STRA6: variants seen among roughly 807,000 people sequenced by gnomAD.
The protein encoded by STRA6 is signaling receptor and transporter of retinol STRA6.
In STRA6, 48 loss-of-function variants were observed where a neutral mutation model predicts 83.6. That is an observed-to-expected ratio of 0.57 (90% CI 0.46 to 0.73). The LOEUF (loss-of-function observed/expected upper bound fraction) is 0.73. Ranked by LOEUF, STRA6 falls within the 30% of genes least tolerant of loss-of-function variation. The pLI, the probability that STRA6 is intolerant of heterozygous loss-of-function variation, is 0.00. For synonymous variants in STRA6, 353 were observed against 362.3 expected, an observed-to-expected ratio of 0.97 and a Z score of 0.29; for missense variants, 760 against 838.8, an observed-to-expected ratio of 0.91 and a Z score of 1.16.
At position 74,188,197 on chromosome 15, in the gene STRA6, C is replaced by G. The variant is rs566189918; in HGVS notation, c.1090+918G>C. The stretch of plus-strand genomic sequence containing the variant: ...TGCCCACCCCCCACTCCCTGCCCCG[C>G]CATGACCAGCATGCCCAGGTCTGTA... On this transcript the variant is annotated intron_variant, in intron 12 of 18. Coordinates refer to ENST00000395105, the MANE Select transcript of STRA6 (RefSeq NM_022369.4). This position sits in a 1 kb window ranked among gnomAD's most constrained non-coding sequence, Gnocchi z 4.5. Among the ~76,000 whole-genome samples, 37 of 152,216 alleles carry G rather than the reference C, an allele frequency of 2.4e-4. No individual in the cohort carries two copies. Among genetic ancestry groups the G allele is most frequent in the Non-Finnish European group, 4.1e-4 (28 of 68,034 alleles).
chr15:74,204,862 G>T (rs2074223777), upstream of STRA6, among the ~76,000 whole-genome samples: 1 of 152,118 alleles, frequency 6.6e-6, no homozygotes, highest in African/African-American at 2.4e-5. Flanking sequence ...TTGAACCCAG[G>T]GGGCAGAGGT....
chr15:74,196,228 T>C (rs2073815329), intron 4 of STRA6, 81 bp from the exon 5 acceptor site: 1 of 1,577,878 alleles, frequency 6.3e-7, no homozygotes, highest in Admixed American at 1.8e-5. Flanking sequence ...ATTCCATAAA[T>C]CAAGGAGGTG....
Position 74,193,847 on chromosome 15 carries a change from C to A in STRA6, c.673G>T (p.Val225Leu). 6.2e-7 allele frequency: 1 copy of A among 1,614,006 alleles called. No individual in the cohort carries two copies. Among genetic ancestry groups the A allele is most frequent in the East Asian group, 2.2e-5 (1 of 44,882 alleles). Reference protein sequence around the residue: ...GLGFLSLWYPVQLVRSFSRRT... With the variant: ...GLGFLSLWYPLQLVRSFSRRT... ...CGGCTGAAGCTTCTCACCAGCTGCA[C>A]AGGGTACCAAAGGCTCAGGAATCCG... Residue 225 changes from valine to leucine, a missense_variant, in exon 8 of 19, where the codon GTG becomes TTG. Val to Leu is a conservative substitution (Grantham distance 32). Coordinates refer to ENST00000395105, the MANE Select transcript of STRA6 (RefSeq NM_022369.4).
rs543758018 is a variant in STRA6 at position 74,184,000 on chromosome 15, A to G, written c.1167-11T>C. The G allele has an allele frequency of 3.1e-6, 5 of 1,612,246 alleles. No individual in the cohort carries two copies. The highest frequency in any genetic ancestry group is 4.2e-6 in the Non-Finnish European group (5 of 1,179,970). On this transcript the variant is annotated splice_polypyrimidine_tract_variant and intron_variant, in intron 13 of 18. Coordinates refer to ENST00000395105, the MANE Select transcript of STRA6 (RefSeq NM_022369.4). ...GCTCGAAGGTTGGTCCTGGGGTGGG[A>G]GCCAGGGAGGCAGAGACCTCAGGGA...
chr15:74,194,382 A>C, intron 7 of STRA6: 5 of 1,061,544 alleles, frequency 4.7e-6, no homozygotes, highest in Non-Finnish European at 5.7e-6. Flanking sequence ...ATACTCATTC[A>C]TTTATTTGTT....
At chr15:74,186,030 G>C (rs1178539567) in intron 12 of STRA6, among the ~76,000 whole-genome samples, 1 of 152,184 alleles carries the variant, frequency 6.6e-6, no homozygotes, top group Non-Finnish European at 1.5e-5. Context: ...TAGCCACAGG[G>C]ATTAGAGTGG....
Position 74,191,193 on chromosome 15 carries a change from C to T in STRA6, c.839G>A (p.Arg280Lys), listed in dbSNP as rs992737914. 8.7e-6 allele frequency: 14 copies of T among 1,613,638 alleles called. No homozygotes were observed. The highest frequency in any genetic ancestry group is 1.1e-5 in the Non-Finnish European group (13 of 1,179,920). ...TGGCTGTGGAGTGTAGATGCAGTGT[C>T]TCAAGCAGACGCGGGCCCAGGACAG... ...GFLSWARVCLRHCIYTPQPGF... is the reference protein window; with the variant it reads ...GFLSWARVCLKHCIYTPQPGF... Residue 280 changes from arginine to lysine, a missense_variant, in exon 10 of 19, where the codon AGA becomes AAA. Coordinates refer to ENST00000395105, the MANE Select transcript of STRA6 (RefSeq NM_022369.4).
In STRA6 at chr15:74,183,870, G is replaced by T. The variant is rs1442832645; in HGVS notation, c.1286C>A (p.Ala429Asp). ...GGGAGGCTCACCAAGGCAGATAAAG[G>T]CTGTCTGGTAGGCACTGAAGCTCAT... ...CWMSFSAYQT[A>D]FICLGLLVQQ... is the part of the protein sequence containing the mutation. The change falls in exon 14 of 19, where the codon GCC becomes GAC. Residue 429 changes from alanine to aspartate, a missense_variant. Transcript: ENST00000395105. The T allele has an allele frequency of 3.1e-6, 5 of 1,614,056 alleles. No individual in the cohort carries two copies. Among genetic ancestry groups the T allele is most frequent in the Non-Finnish European group, 4.2e-6 (5 of 1,180,030 alleles).
intron 2 of STRA6, among the ~76,000 whole-genome samples, chr15:74,199,016 C>T (rs1471611439): frequency 2.0e-5 from 3 of 152,118 alleles, no homozygotes; most frequent in African/African-American, 4.8e-5. Context: ...AGTAGAGCTC[C>T]GGGTTTTCCC....
chr15:74,195,492 G>C (rs749917562), intron 6 of STRA6, 24 bp from the exon 7 acceptor site: 4 of 1,611,156 alleles, frequency 2.5e-6, no homozygotes, highest in South Asian at 2.2e-5. Context: ...CAAGCAGAGA[G>C]ACCCATGCTG....
intron 1 of STRA6, chr15:74,207,950 C>G (rs2074299922): frequency 2.1e-6 from 3 of 1,445,980 alleles, no homozygotes; most frequent in Non-Finnish European, 2.7e-6. Context: ...CCTCCTGTCT[C>G]TCTACCTCCT....
chr15:74,195,912 G>A (rs2073791858), intron 5 of STRA6, 96 bp downstream of exon 5: 2 of 1,548,854 alleles, frequency 1.3e-6, no homozygotes, highest in Non-Finnish European at 1.8e-6. Flanking sequence ...AGCTGTTCCT[G>A]TTACTCTCAT....
rs1282743827 is a variant in STRA6 at position 74,181,306 on chromosome 15, G to A, written c.1673C>T (p.Thr558Ile). The stretch of plus-strand genomic sequence containing the variant: ...CCCAGTGACCTTACCGGGGTCGAGA[G>A]TGGCGGCTCTCGGTGGCAGCAGGCT... The part of the protein sequence containing the change: ...DLSLLPPRAA[T>I]LDPGYYTYRN... The change falls in exon 17 of 19, where the codon ACT becomes ATT. Residue 558 changes from threonine to isoleucine, a missense_variant. Physicochemically the swap from Thr to Ile is moderately conservative, Grantham distance 89. Transcript: ENST00000395105. The A allele has an allele frequency of 1.2e-6, 2 of 1,611,596 alleles. No homozygotes were observed. Among genetic ancestry groups the A allele is most frequent in the African/African-American group, 2.7e-5 (2 of 74,886 alleles).
At chr15:74,183,750 C>T (rs2073105132) in intron 14 of STRA6, 106 bp downstream of exon 14, 2 of 1,602,874 alleles carry the variant, frequency 1.2e-6, no homozygotes, top group Admixed American at 1.7e-5. Flanking sequence ...CATTCCCAGA[C>T]AAACTCTGAG....
At chr15:74,184,127 A>G in intron 13 of STRA6, 138 bp from the exon 14 acceptor site, 1 of 1,273,796 alleles carries the variant, frequency 7.9e-7, no homozygotes, top group East Asian at 2.5e-5. Flanking sequence ...GAACTGTGGG[A>G]GCCAGGAGGA....
At chr15:74,199,537 G>T (rs1224211867) in intron 2 of STRA6, among the ~76,000 whole-genome samples, 1 of 152,190 alleles carries the variant, frequency 6.6e-6, no homozygotes, top group African/African-American at 2.4e-5. Flanking sequence ...ACCTGGGCCC[G>T]GCAGGGACTT....
At chr15:74,195,266 G>C (rs755532553) in intron 7 of STRA6, 36 bp downstream of exon 7, 2 of 1,607,240 alleles carry the variant, frequency 1.2e-6, no homozygotes, top group East Asian at 4.5e-5. Flanking sequence ...TGCTCTGTGC[G>C]CCCCTCTGCC....
At position 74,191,465 on chromosome 15, in the gene STRA6, T is replaced by C. The variant is rs748980335; in HGVS notation, c.747A>G (p.Glu249=). ...SKGLQSSYSE[E]YLRNLLCRKK... ...TCCTGCAAAGGAGGTTCCTCAGATA[T>C]TCCTCAGAGTAGCTGCTCTGCAGCC... Residue 249 remains glutamate, a synonymous_variant, in exon 9 of 19, where the codon GAA becomes GAG. Transcript: ENST00000395105. The C allele has an allele frequency of 3.8e-5, 61 of 1,614,044 alleles. No individual in the cohort carries two copies. The highest frequency in any genetic ancestry group is 4.8e-5 in the Non-Finnish European group (57 of 1,180,010).
upstream of STRA6, among the ~76,000 whole-genome samples, chr15:74,210,727 T>C (rs542924510): frequency 2.0e-5 from 3 of 152,342 alleles, no homozygotes; most frequent in South Asian, 6.2e-4. Flanking sequence ...CCCAGCCCAA[T>C]ATTGCACACT....
Sources: allele counts gnomAD v4.1 joint callset (sites outside exome capture counted in the v4.1 genomes callset), GRCh38; gene constraint gnomAD v4.1.1; non-coding constraint Gnocchi (gnomAD v3.1); transcripts MANE v1.5; gene names NCBI Gene and HGNC (gene_info 2026-07-23, HGNC 2026-07-21).